PAM: variants seen among roughly 807,000 people sequenced by gnomAD.
PAM encodes the protein peptidyl-glycine alpha-amidating monooxygenase.
A neutral mutation model predicts 122.1 loss-of-function variants in PAM; 72 were observed. The observed-to-expected ratio is 0.59, with a 90% CI of 0.49 to 0.72. PAM has a LOEUF of 0.72. Ranked by LOEUF, PAM falls within the 30% of genes least tolerant of loss-of-function variation. The probability of loss-of-function intolerance (pLI) is 0.00; values close to 1 mark genes in which losing one functional copy is unlikely to be tolerated. For missense variants in PAM, 1,106 were observed against 1,183.7 expected (o/e 0.93, Z 0.96); for synonymous variants, 389 against 404.4 (o/e 0.96, Z 0.46).
chr5:102,824,809 G>A (rs111672432), intron 1 of PAM, among the ~76,000 whole-genome samples: 2,172 of 152,212 alleles, frequency 0.014, 46 homozygotes, highest in African/African-American at 0.05. Context: ...CTCTGGAAAT[G>A]CAAATTTTCT....
chr5:102,859,870 T>C (rs1331620039), intron 1 of PAM, among the ~76,000 whole-genome samples: 1 of 152,216 alleles, frequency 6.6e-6, no homozygotes, highest in African/African-American at 2.4e-5. Flanking sequence ...GTATTCACTA[T>C]AGTAACATGC....
chr5:102,769,564 T>C (rs545443209), intron 1 of PAM, among the ~76,000 whole-genome samples: 1 of 152,268 alleles, frequency 6.6e-6, no homozygotes, highest in African/African-American at 2.4e-5. Context: ...TTCATTCTTT[T>C]CCATATGAGT....
chr5:102,828,744 G>A (rs1289338916), intron 1 of PAM, among the ~76,000 whole-genome samples: 4 of 152,178 alleles, frequency 2.6e-5, no homozygotes, highest in African/African-American at 9.7e-5. Flanking sequence ...TAGGATTAGA[G>A]CTAATGTAGC....
At chr5:102,786,802 GAAAC>G (rs1232151332) in intron 1 of PAM, among the ~76,000 whole-genome samples, 5 of 152,128 alleles carry the variant, frequency 3.3e-5, no homozygotes, top group South Asian at 2.1e-4. Context: ...TACTTGAAAA[GAAAC>G]AAGTAACTTA....
intron 17 of PAM, 126 bp from the exon 18 acceptor site, chr5:103,005,028 A>T: frequency 1.6e-6 from 1 of 614,878 alleles, no homozygotes; most frequent in Non-Finnish European, 3.0e-6. Context: ...TCTTTTCTAT[A>T]ATAATGCAAG....
At chr5:102,980,245 A>G (rs569832112) in intron 15 of PAM, among the ~76,000 whole-genome samples, 29 of 152,270 alleles carry the variant, frequency 1.9e-4, no homozygotes, top group African/African-American at 6.7e-4. Flanking sequence ...TTTTAGGCTA[A>G]CACTGGAAAT....
chr5:102,768,328 C>T (rs1160692649), intron 1 of PAM, among the ~76,000 whole-genome samples: 1 of 152,018 alleles, frequency 6.6e-6, no homozygotes, highest in East Asian at 1.9e-4. Flanking sequence ...CATTACCTCA[C>T]ACATTTTTTG....
chr5:102,905,917 C>T (rs1291345546), intron 4 of PAM, among the ~76,000 whole-genome samples: 1 of 151,634 alleles, frequency 6.6e-6, no homozygotes, highest in Non-Finnish European at 1.5e-5. Context: ...GTGAAAGCTA[C>T]TTGGAAAGAG....
rs1776633677 is a variant in PAM, at chr5:102,835,147, G to A, written c.-373-30676G>A. Among the ~76,000 whole-genome samples the A allele has an allele frequency of 8.5e-5, 13 of 152,122 alleles. No individual in the cohort carries two copies. In the South Asian group the frequency reaches 2.7e-3, roughly 32 times the overall value. ...TCTTGCATGTATATAGCATTTTGTA[G>A]TTTTCAGGGCTTTCTTATATATATT... On this transcript the variant is annotated intron_variant, in intron 1 of 25. Coordinates refer to ENST00000438793, the MANE Select transcript of PAM (RefSeq NM_001177306.2).
chr5:103,026,794 A>T (rs1304910234), intron 24 of PAM, among the ~76,000 whole-genome samples: 1 of 152,232 alleles, frequency 6.6e-6, no homozygotes, highest in East Asian at 1.9e-4. Flanking sequence ...AGAGGGTGGT[A>T]AGTGCAGTGA....
intron 1 of PAM, among the ~76,000 whole-genome samples, chr5:102,849,170 C>G (rs1353474843): frequency 6.6e-6 from 1 of 152,042 alleles, no homozygotes; most frequent in Non-Finnish European, 1.5e-5. Flanking sequence ...TATATAAACC[C>G]CTATCCACCC....
chr5:102,964,532 A>G (rs17154883), intron 14 of PAM, among the ~76,000 whole-genome samples: 2,933 of 151,968 alleles, frequency 0.019, 83 homozygotes, highest in African/African-American at 0.068. Flanking sequence ...AAACATTTTA[A>G]TGAGGCTTTA....
At chr5:102,859,912 C>T (rs534817816) in intron 1 of PAM, among the ~76,000 whole-genome samples, 179 of 152,110 alleles carry the variant, frequency 1.2e-3, no homozygotes, top group Non-Finnish European at 1.8e-3. Flanking sequence ...AGCAGTAGAC[C>T]GTATAGAGCC....
intron 14 of PAM, among the ~76,000 whole-genome samples, chr5:102,969,348 TG>T (rs1379735903): frequency 6.6e-6 from 1 of 151,634 alleles, no homozygotes; most frequent in East Asian, 1.9e-4. Flanking sequence ...AAGGTAGCTA[TG>T]GGGATATAAC....
At chr5:102,901,745 T>G (rs1049864959) in intron 4 of PAM, among the ~76,000 whole-genome samples, 7 of 151,534 alleles carry the variant, frequency 4.6e-5, no homozygotes, top group African/African-American at 1.7e-4. Flanking sequence ...GACAGTTTAT[T>G]TACCTGCTGG....
chr5:102,880,846 A>G (rs1359587354), intron 3 of PAM, among the ~76,000 whole-genome samples: 1 of 152,196 alleles, frequency 6.6e-6, no homozygotes, highest in Non-Finnish European at 1.5e-5. Context: ...AATGGAAAAC[A>G]TCAACAAAAT....
At chr5:102,988,588 A>C (rs1772788326) in intron 15 of PAM, among the ~76,000 whole-genome samples, 1 of 151,842 alleles carries the variant, frequency 6.6e-6, no homozygotes, top group South Asian at 2.1e-4. Context: ...CAGAAAAAAA[A>C]GAAGGAAAGG....
intron 4 of PAM, among the ~76,000 whole-genome samples, chr5:102,902,831 G>A (rs1208496815): frequency 6.6e-6 from 1 of 151,436 alleles, no homozygotes; most frequent in Non-Finnish European, 1.5e-5. Context: ...TGTAAATATG[G>A]TAGTCATGTG....
At chr5:103,004,981 T>A (rs1778525037) in intron 17 of PAM, among the ~76,000 whole-genome samples, 173 bp from the exon 18 acceptor site, 1 of 152,218 alleles carries the variant, frequency 6.6e-6, no homozygotes, top group Admixed American at 6.5e-5. Flanking sequence ...CACAAGGAGA[T>A]CTCATTATAA....
Sources: gnomAD v4.1 joint callset for allele counts (sites outside exome capture counted in the v4.1 genomes callset) on GRCh38, gnomAD v4.1.1 for gene constraint, MANE v1.5 for transcripts, NCBI Gene and HGNC (gene_info 2026-07-23, HGNC 2026-07-21) for gene names.